LDB2: variants seen among roughly 807,000 people sequenced by gnomAD.
The protein encoded by LDB2 is LIM domain-binding protein 2.
LDB2 carries 12 observed loss-of-function variants against 44.3 expected under a neutral mutation model. That is an observed-to-expected ratio of 0.27 (90% CI 0.17 to 0.44). The LOEUF (loss-of-function observed/expected upper bound fraction) is 0.44, where lower values mean the gene tolerates loss of function less well. Ranked by LOEUF, LDB2 falls within the 20% of genes least tolerant of loss-of-function variation. The pLI, the probability that LDB2 is intolerant of heterozygous loss-of-function variation, is 1.00. For synonymous variants in LDB2, 164 were observed against 174.8 expected, an observed-to-expected ratio of 0.94 and a Z score of 0.49; for missense variants, 344 against 473.5, an observed-to-expected ratio of 0.73 and a Z score of 2.54.
intron 2 of LDB2, among the ~76,000 whole-genome samples, chr4:16,637,643 C>T (rs1256076062): frequency 2.6e-5 from 4 of 152,008 alleles, no homozygotes; most frequent in Admixed American, 2.0e-4. Flanking sequence ...CCTGGATGCT[C>T]AGAGAACATA....
rs1469567871 is a variant in LDB2, at chr4:16,508,536, G to A, written c.890C>T (p.Pro297Leu). ...GCCTAAGAGGAAAGCGAGACTTACA[G>A]GTACCTGACTGGACAGACTCAGGTT... ...AANLSLSSQV[P>L]DVMVVGEPTL... Residue 297 changes from proline (P) to leucine (L), a missense_variant and splice_region_variant, in exon 7 of 8, where the codon CCT becomes CTT. By Grantham distance (98) the Pro-to-Leu change is moderately conservative (BLOSUM62 -3). This residue lies in a region of LDB2 where 86 missense variants were observed against 171.2 expected (regional missense o/e 0.50). Transcript: ENST00000304523. The A allele has an allele frequency of 2.5e-6, 4 of 1,568,638 alleles. No individual in the cohort carries two copies. Among genetic ancestry groups the A allele is most frequent in the Non-Finnish European group, 2.6e-6 (3 of 1,154,374 alleles).
intron 2 of LDB2, among the ~76,000 whole-genome samples, chr4:16,755,220 A>C (rs1766281726): frequency 6.6e-6 from 1 of 152,144 alleles, no homozygotes; most frequent in Non-Finnish European, 1.5e-5. Context: ...GGAAATTAAT[A>C]TTGTGCTTGA....
Position 16,804,456 on chromosome 4 carries a change from T to A in LDB2, c.133-45196A>T, listed in dbSNP as rs1050916491. 3.7e-4 allele frequency among the ~76,000 whole-genome samples: 56 copies of A among 152,342 alleles called. No homozygotes were observed. The East Asian group carries it at 4.8e-3, about 13-fold the overall frequency. ...CCCCTGTATCTTGACATAATTTTTT[T>A]AATTATAAATACATATATGCTACTT... On this transcript the variant is annotated intron_variant, in intron 1 of 7. Transcript: ENST00000304523.
chr4:16,893,569 C>G (rs932319061), intron 1 of LDB2, among the ~76,000 whole-genome samples: 1 of 151,716 alleles, frequency 6.6e-6, no homozygotes, highest in Non-Finnish European at 1.5e-5. Context: ...GGGGTGAAAA[C>G]CAGCAGATTT....
intron 2 of LDB2, among the ~76,000 whole-genome samples, chr4:16,630,847 T>C (rs1731725398): frequency 6.6e-6 from 1 of 152,120 alleles, no homozygotes; most frequent in Admixed American, 6.5e-5. Flanking sequence ...AAGAAGGCCA[T>C]TACATAATGG....
At chr4:16,689,234 A>G (rs1750001347) in intron 2 of LDB2, among the ~76,000 whole-genome samples, 1 of 152,210 alleles carries the variant, frequency 6.6e-6, no homozygotes, top group East Asian at 1.9e-4. Context: ...ACCCAAATCC[A>G]CAACACAGGG....
chr4:16,713,322 C>T (rs917949794), intron 2 of LDB2, among the ~76,000 whole-genome samples: 12 of 151,586 alleles, frequency 7.9e-5, no homozygotes, highest in African/African-American at 2.9e-4. Flanking sequence ...CACTTAATGG[C>T]AATTGGTGAA....
At chr4:16,822,565 G>A (rs1782298548) in intron 1 of LDB2, among the ~76,000 whole-genome samples, 1 of 152,042 alleles carries the variant, frequency 6.6e-6, no homozygotes, top group South Asian at 2.1e-4. Flanking sequence ...GCCCTGGCTG[G>A]AGTGCTACAG....
At chr4:16,889,419 T>C (rs1471075182) in intron 1 of LDB2, 1 of 152,158 alleles carries the variant, frequency 6.6e-6, no homozygotes, top group Non-Finnish European at 1.5e-5. Flanking sequence ...TCCCAACAGA[T>C]TTGCACTATC....
Position 16,739,583 on chromosome 4 carries a change from A to AT in LDB2, c.235+19574_235+19575insA, listed in dbSNP as rs1398579863. On this transcript the variant is annotated intron_variant, in intron 2 of 7. Transcript: ENST00000304523. Reference sequence around the variant, plus strand: ...CCTCGGTGACAGAGGGAAAAAAAAAAAAAAAAATATATATATATATATATA... The same window carrying AT: ...CCTCGGTGACAGAGGGAAAAAAAAAATAAAAAAATATATATATATATATATA... Among the ~76,000 whole-genome samples the AT allele has an allele frequency of 3.1e-4, 26 of 85,132 alleles. 3 individuals are homozygous for AT. The highest frequency in any genetic ancestry group is 5.0e-4 in the African/African-American group (10 of 19,876). The allele number at this position is 85,132 out of a possible 152,430, so 55.8% of individuals were successfully genotyped here.
chr4:16,700,626 C>A (rs79641436), intron 2 of LDB2, among the ~76,000 whole-genome samples: 2 of 152,122 alleles, frequency 1.3e-5, no homozygotes, highest in Non-Finnish European at 2.9e-5. Context: ...AGACAAGATA[C>A]GCTGGGCAGA....
intron 2 of LDB2, among the ~76,000 whole-genome samples, chr4:16,614,733 C>A (rs980729221): frequency 8.6e-5 from 13 of 151,910 alleles, no homozygotes; most frequent in Non-Finnish European, 1.8e-4. Context: ...ATGAAAATCA[C>A]AATGAGATAC....
intron 2 of LDB2, among the ~76,000 whole-genome samples, chr4:16,757,985 A>G (rs1238259945): frequency 2.4e-5 from 1 of 41,722 alleles, no homozygotes; most frequent in African/African-American, 5.6e-5. Flanking sequence ...GTGAGACACA[A>G]ACATGAGAGA....
chr4:16,546,988 A>G (rs1460158876), intron 5 of LDB2, among the ~76,000 whole-genome samples: 1 of 152,198 alleles, frequency 6.6e-6, no homozygotes, highest in Non-Finnish European at 1.5e-5. Context: ...ATGTCCTCCC[A>G]AAAGATACAC....
chr4:16,659,671 G>GTGTGTATATATATA (rs1315288524), intron 2 of LDB2, among the ~76,000 whole-genome samples: 32 of 133,554 alleles, frequency 2.4e-4, no homozygotes, highest in African/African-American at 8.8e-4. Context: ...ATCTATGTGT[G>GTGTGTATATATATA]TATATATATA....
intron 5 of LDB2, among the ~76,000 whole-genome samples, chr4:16,541,763 A>G (rs1314003347): frequency 6.6e-6 from 1 of 152,206 alleles, no homozygotes; most frequent in African/African-American, 2.4e-5. Flanking sequence ...TCTATCACAT[A>G]AAACATAAAT....
chr4:16,633,455 T>A (rs1454362186), intron 2 of LDB2, among the ~76,000 whole-genome samples: 6 of 151,924 alleles, frequency 3.9e-5, no homozygotes, highest in Non-Finnish European at 7.4e-5. Context: ...TCACAAGCAT[T>A]CCTATACACC....
chr4:16,542,725 A>AT (rs140614064), intron 5 of LDB2, among the ~76,000 whole-genome samples: 2,305 of 151,448 alleles, frequency 0.015, 56 homozygotes, highest in African/African-American at 0.05. Context: ...ATGCTCAATA[A>AT]TTTTTTTTTA....
At chr4:16,874,808 C>A (rs1561508183) in intron 1 of LDB2, among the ~76,000 whole-genome samples, 1 of 152,084 alleles carries the variant, frequency 6.6e-6, no homozygotes, top group Non-Finnish European at 1.5e-5. Context: ...ACCATTAGAC[C>A]CTGAGTGTAA....
Sources: allele counts gnomAD v4.1 joint callset (sites outside exome capture counted in the v4.1 genomes callset), GRCh38; gene constraint gnomAD v4.1.1; regional missense constraint gnomAD v4.1.1; transcripts MANE v1.5; gene names NCBI Gene and HGNC (gene_info 2026-07-23, HGNC 2026-07-21).